DCLRE1A: variants seen among roughly 807,000 people sequenced by gnomAD.
DCLRE1A encodes the protein DNA cross-link repair 1A.
DCLRE1A carries 64 observed loss-of-function variants against 91.9 expected under a neutral mutation model. That is an observed-to-expected ratio of 0.70 (90% confidence interval 0.57 to 0.86). DCLRE1A has a LOEUF of 0.86. DCLRE1A is among the 40% of genes least tolerant of loss of function. The pLI is 0.00. For missense variants in DCLRE1A, 1,145 were observed against 1,213.3 expected (o/e 0.94, Z 0.84); for synonymous variants, 416 against 431.1 (o/e 0.96, Z 0.43).
chr10:113,853,090 A>G lies in DCLRE1A; in HGVS notation c.93T>C (p.Ile31=), dbSNP rs748900277. The change falls in exon 1 of 9, where the codon ATT becomes ATC. Residue 31 remains isoleucine, a synonymous_variant. Transcript: ENST00000361384. ...RVDPNNGSKN[I]LKSVEKATDG... ...CTGTTGCTTTTTCAACAGATTTTAG[A>G]ATATTTTTAGAGCCATTATTTGGAT... 1.9e-6 allele frequency: 3 copies of G among 1,611,074 alleles called. No homozygotes were observed. Among genetic ancestry groups the G allele is most frequent in the Middle Eastern group, 1.6e-4 (1 of 6,072 alleles).
intron 1 of DCLRE1A, 140 bp downstream of exon 1, chr10:113,852,583 T>C (rs2134673603): frequency 1.3e-6 from 1 of 772,774 alleles, no homozygotes; most frequent in African/African-American, 1.8e-5. Context: ...AATTATACCG[T>C]TGACTGGTAT....
At chr10:113,852,175 A>T (rs1167503780) in intron 1 of DCLRE1A, among the ~76,000 whole-genome samples, 4 of 152,180 alleles carry the variant, frequency 2.6e-5, no homozygotes, top group Non-Finnish European at 5.9e-5. Context: ...TCTCTACTAA[A>T]AATACAAAAA....
In DCLRE1A at chr10:113,835,010, C is replaced by T; in HGVS notation, c.*142G>A. 1 of 890,526 alleles carries T rather than the reference C, an allele frequency of 1.1e-6. No homozygotes were observed. The highest frequency in any genetic ancestry group is 1.7e-6 in the Non-Finnish European group (1 of 593,822). 55.2% of individuals were successfully genotyped at this position (890,526 alleles called of 1,614,324 possible). ...CATTCAGCACCACGAACATGTTGTT[C>T]AAACATAAATGAGAAAATAAAGTAT... On this transcript the variant is annotated 3_prime_UTR_variant, in exon 9 of 9. Transcript: ENST00000361384.
At position 113,849,703 on chromosome 10, in the gene DCLRE1A, G is replaced by A. The variant is rs1391696882; in HGVS notation, c.1402C>T (p.Pro468Ser). The A allele has an allele frequency of 1.9e-6, 3 of 1,613,996 alleles. No individual in the cohort carries two copies. The African/African-American group carries it at 4.0e-5, about 22-fold the overall frequency. The stretch of plus-strand genomic sequence containing the variant: ...TACCCTTCTACCTGACTTTCAAAAG[G>A]TTTCAACATTAAACTCTTAACTAAC... ...LPLVKSLMLKPFESQVEGYLS... is the reference protein window; with the variant it reads ...LPLVKSLMLKSFESQVEGYLS... Residue 468 changes from proline to serine, a missense_variant, in exon 2 of 9, where the codon CCT becomes TCT. Pro to Ser is a moderately conservative substitution (Grantham distance 74). Coordinates refer to ENST00000361384, the MANE Select transcript of DCLRE1A (RefSeq NM_014881.5).
At position 113,847,462 on chromosome 10, in the gene DCLRE1A, T is replaced by C. The variant is rs1337468800; in HGVS notation, c.2126-127A>G. 3.7e-6 allele frequency: 4 copies of C among 1,090,228 alleles called. No individual in the cohort carries two copies. The Admixed American group carries it at 9.6e-5, about 26-fold the overall frequency. 67.5% of individuals were successfully genotyped at this position (1,090,228 alleles called of 1,614,324 possible). A position where few individuals can be genotyped will look rare whatever the true frequency, so the allele number is the denominator to read the frequency against. On this transcript the variant is annotated intron_variant, in intron 2 of 8. Transcript: ENST00000361384. Reference sequence around the variant, plus strand: ...CAATTTAACTATATTTAAAAACTTATATCACATAAATTTAACAAAAGGTAA... The same window carrying C: ...CAATTTAACTATATTTAAAAACTTACATCACATAAATTTAACAAAAGGTAA...
chr10:113,848,274 G>A lies in DCLRE1A; in HGVS notation c.2125+706C>T, dbSNP rs922100350. ...GGAGCTTGCAGTGAGCTGAGATCGC[G>A]CCACTGCACTCCAGCCTAGGCGACA... On this transcript the variant is annotated intron_variant, in intron 2 of 8. Transcript: ENST00000361384. 3.3e-5 allele frequency among the ~76,000 whole-genome samples: 5 copies of A among 152,116 alleles called. No individual in the cohort carries two copies. In the East Asian group the frequency reaches 5.8e-4, roughly 18 times the overall value.
At chr10:113,842,270 T>C in intron 6 of DCLRE1A, 73 bp downstream of exon 6, 2 of 1,276,950 alleles carry the variant, frequency 1.6e-6, no homozygotes, top group Non-Finnish European at 2.1e-6. Context: ...GAGTAGAAAC[T>C]GAAAGGGCAT....
Position 113,845,726 on chromosome 10 carries a change from A to G in DCLRE1A, c.2337T>C (p.Cys779=). 6.2e-7 allele frequency: 1 copy of G among 1,614,184 alleles called. No homozygotes were observed. Among genetic ancestry groups the G allele is most frequent in the Non-Finnish European group, 8.5e-7 (1 of 1,180,020 alleles). ...YIHPLPLDTE[C]IVNGVKVVLL... Reference sequence around the variant, plus strand: ...AAACAACTTTGACACCATTCACAATACATTCAGTGTCCAGTGGCAATGGGT... The same window carrying G: ...AAACAACTTTGACACCATTCACAATGCATTCAGTGTCCAGTGGCAATGGGT... Residue 779 remains cysteine, a synonymous_variant, in exon 4 of 9, where the codon TGT becomes TGC. Transcript: ENST00000361384.
At chr10:113,850,793 T>C in intron 1 of DCLRE1A, 149 bp from the exon 2 acceptor site, 1 of 602,884 alleles carries the variant, frequency 1.7e-6, no homozygotes, top group Non-Finnish European at 2.7e-6. Flanking sequence ...TTATAATTGT[T>C]GATACACTGA....
chr10:113,841,992 T>C (rs1253321887), intron 6 of DCLRE1A, among the ~76,000 whole-genome samples: 1 of 152,130 alleles, frequency 6.6e-6, no homozygotes, highest in Non-Finnish European at 1.5e-5. Context: ...GAACAAAAAT[T>C]AAAACTGATT....
chr10:113,845,191 A>C (rs1845513676), intron 4 of DCLRE1A, among the ~76,000 whole-genome samples: 1 of 152,124 alleles, frequency 6.6e-6, no homozygotes. Flanking sequence ...TATTAAAAGA[A>C]AAAAAGAGGG....
chr10:113,848,955 A>G lies in DCLRE1A; in HGVS notation c.2125+25T>C, dbSNP rs766051165. 5.7e-6 allele frequency: 9 copies of G among 1,587,838 alleles called. No individual in the cohort carries two copies. The Admixed American group carries it at 1.2e-4, about 21-fold the overall frequency. ...TCAAAAACGTTGTCTTTGTTGATATATCGAGTATTGACATTTCAACTTACC... is the reference window on the plus strand; with the variant it reads ...TCAAAAACGTTGTCTTTGTTGATATGTCGAGTATTGACATTTCAACTTACC... On this transcript the variant is annotated intron_variant, in intron 2 of 8. Transcript: ENST00000361384.
chr10:113,845,135 G>A lies in DCLRE1A; in HGVS notation c.2378+550C>T, dbSNP rs180771626. ...ATTCTATGGAAAGTAGAAAGAAGCAGAGTTGACAGTTGTGTTTTGACAACA... is the reference window on the plus strand; with the variant it reads ...ATTCTATGGAAAGTAGAAAGAAGCAAAGTTGACAGTTGTGTTTTGACAACA... On this transcript the variant is annotated intron_variant, in intron 4 of 8. Coordinates refer to ENST00000361384, the MANE Select transcript of DCLRE1A (RefSeq NM_014881.5). Among the ~76,000 whole-genome samples the A allele has an allele frequency of 9.9e-5, 15 of 152,224 alleles. No homozygotes were observed. The East Asian group carries it at 2.9e-3, about 29-fold the overall frequency.
At position 113,842,611 on chromosome 10, in the gene DCLRE1A, A is replaced by T. The variant is rs1845464076; in HGVS notation, c.2520-123T>A. The T allele has an allele frequency of 3.3e-5, 26 of 791,638 alleles. No homozygotes were observed. In the South Asian group the frequency reaches 8.9e-4, roughly 27 times the overall value. 49.0% of individuals were successfully genotyped at this position (791,638 alleles called of 1,614,324 possible). A position where few individuals can be genotyped will look rare whatever the true frequency, so the allele number is the denominator to read the frequency against. ...TACAACAGCAATGTAATATATTAAT[A>T]CCACAAGTTATCTCACTGCCTGTGG... On this transcript the variant is annotated intron_variant, in intron 5 of 8. Coordinates refer to ENST00000361384, the MANE Select transcript of DCLRE1A (RefSeq NM_014881.5).
chr10:113,841,689 G>T, intron 6 of DCLRE1A, 129 bp from the exon 7 acceptor site: 1 of 910,864 alleles, frequency 1.1e-6, no homozygotes, highest in Non-Finnish European at 1.6e-6. Flanking sequence ...CTTTTACCAT[G>T]ATATCTCAAA....
intron 6 of DCLRE1A, 130 bp from the exon 7 acceptor site, chr10:113,841,690 A>G (rs974715056): frequency 1.1e-6 from 1 of 900,720 alleles, no homozygotes; most frequent in Non-Finnish European, 1.6e-6. Flanking sequence ...TTTTACCATG[A>G]TATCTCAAAA....
chr10:113,847,396 A>G (rs1845557129), intron 2 of DCLRE1A, 61 bp from the exon 3 acceptor site: 1 of 1,588,964 alleles, frequency 6.3e-7, no homozygotes, highest in Non-Finnish European at 8.6e-7. Flanking sequence ...ATTTGATTAT[A>G]AATACTGAAT....
rs763620473 is a variant in DCLRE1A, at chr10:113,835,142, G to A, written c.*10C>T. 1.1e-5 allele frequency: 17 copies of A among 1,610,946 alleles called. No individual in the cohort carries two copies. In the African/African-American group the frequency reaches 1.2e-4, roughly 11 times the overall value. On this transcript the variant is annotated 3_prime_UTR_variant, in exon 9 of 9. Transcript: ENST00000361384. Reference sequence around the variant, plus strand: ...GGAACTTAACTACTACTGAATCCTCGGAGGTATCATCAATATCCAGCTTCC... The same window carrying A: ...GGAACTTAACTACTACTGAATCCTCAGAGGTATCATCAATATCCAGCTTCC...
Position 113,835,031 on chromosome 10 carries a change from AG to A in DCLRE1A, c.*120del, listed in dbSNP as rs1486047688. The A allele has an allele frequency of 2.0e-6, 2 of 1,000,850 alleles. No individual in the cohort carries two copies. Among genetic ancestry groups the A allele is most frequent in the African/African-American group, 1.6e-5 (1 of 61,186 alleles). The allele number at this position is 1,000,850 out of a possible 1,614,324, so 62.0% of individuals were successfully genotyped here. On this transcript the variant is annotated 3_prime_UTR_variant, in exon 9 of 9. Transcript: ENST00000361384. ...TGTTCAAACATAAATGAGAAAATAA[AG>A]TATCTGAACAATCTTCATGAGGTTT...
Sources: gnomAD v4.1 joint callset for allele counts (sites outside exome capture counted in the v4.1 genomes callset) on GRCh38, gnomAD v4.1.1 for gene constraint, MANE v1.5 for transcripts, NCBI Gene and HGNC (gene_info 2026-07-23, HGNC 2026-07-21) for gene names.